Variants in TRPM3 observed in about 807,000 individuals in gnomAD.
TRPM3 encodes the protein long transient receptor potential channel 3.
In TRPM3, 77 loss-of-function variants were observed where a neutral mutation model predicts 181.2. That is an observed-to-expected ratio of 0.42 (90% confidence interval 0.35 to 0.51). The LOEUF (loss-of-function observed/expected upper bound fraction) is 0.51, where lower values mean the gene tolerates loss of function less well. Ranked by LOEUF, TRPM3 falls within the 20% of genes least tolerant of loss-of-function variation. The probability of loss-of-function intolerance (pLI) is 0.01; values close to 1 mark genes in which losing one functional copy is unlikely to be tolerated. For missense variants in TRPM3, 1,759 were observed against 2,196.7 expected, an observed-to-expected ratio of 0.80 and a Z score of 3.98; for synonymous variants, 745 against 796.4, an observed-to-expected ratio of 0.94 and a Z score of 1.09.
intron 1 of TRPM3, among the ~76,000 whole-genome samples, chr9:71,071,264 G>A (rs12555007): frequency 0.058 from 8,832 of 152,140 alleles, 373 homozygotes; most frequent in African/African-American, 0.11. Flanking sequence ...TGAGGGTAAC[G>A]GAACCTCCTG....
chr9:71,446,910 C>A, upstream of TRPM3: 1 of 1,378,082 alleles, frequency 7.3e-7, no homozygotes, highest in Admixed American at 2.8e-5. Context: ...GCGGGTCTCC[C>A]TCCAGCCTGC....
chr9:70,764,782 C>T (rs559694351), intron 7 of TRPM3, among the ~76,000 whole-genome samples: 3 of 152,230 alleles, frequency 2.0e-5, no homozygotes, highest in East Asian at 1.9e-4. Flanking sequence ...TAAATAACTG[C>T]CCTTTCTGAT....
chr9:71,251,562 AT>A (rs1203224607), intron 1 of TRPM3, among the ~76,000 whole-genome samples: 1 of 152,112 alleles, frequency 6.6e-6, no homozygotes, highest in Non-Finnish European at 1.5e-5. Flanking sequence ...CTCCAAAGGA[AT>A]TTTTTTAATT....
intron 1 of TRPM3, among the ~76,000 whole-genome samples, chr9:70,872,335 G>A (rs1447691823): frequency 2.0e-5 from 3 of 151,898 alleles, no homozygotes; most frequent in African/African-American, 7.2e-5. Context: ...AGGAGTAGTA[G>A]TGGTCTTAAT....
intron 5 of TRPM3, among the ~76,000 whole-genome samples, chr9:70,841,226 A>G (rs2094604905): frequency 6.6e-6 from 1 of 152,134 alleles, no homozygotes; most frequent in Non-Finnish European, 1.5e-5. Flanking sequence ...ACTTTGAAGA[A>G]ATCAGTAACA....
intron 1 of TRPM3, among the ~76,000 whole-genome samples, chr9:70,984,080 G>C (rs535094717): frequency 1.3e-5 from 2 of 152,290 alleles, no homozygotes; most frequent in East Asian, 3.9e-4. Flanking sequence ...AAGAATGTGA[G>C]CTCTGGAATC....
At chr9:70,540,889 A>T (rs1394325914) in intron 25 of TRPM3, among the ~76,000 whole-genome samples, 1 of 152,008 alleles carries the variant, frequency 6.6e-6, no homozygotes, top group Non-Finnish European at 1.5e-5. Context: ...CACCCAGCTA[A>T]TTTTTGTACT....
chr9:70,777,030 TTTG>T (rs34245363), intron 7 of TRPM3, among the ~76,000 whole-genome samples: 12 of 151,908 alleles, frequency 7.9e-5, no homozygotes, highest in Middle Eastern at 3.2e-3. Flanking sequence ...TATTTGGATT[TTTG>T]TTGTTGTTGT....
intron 1 of TRPM3, among the ~76,000 whole-genome samples, chr9:70,867,112 T>C (rs1241123483): frequency 6.6e-6 from 1 of 152,046 alleles, no homozygotes; most frequent in Non-Finnish European, 1.5e-5. Context: ...TTTCCCCCTA[T>C]CATTCCCCTC....
intron 22 of TRPM3, among the ~76,000 whole-genome samples, chr9:70,575,043 G>A (rs992807263): frequency 6.6e-6 from 1 of 151,310 alleles, no homozygotes; most frequent in Non-Finnish European, 1.5e-5. Flanking sequence ...TCAGGCTCAA[G>A]CTATTCTTCC....
At chr9:71,339,377 T>A (rs944864068) in intron 1 of TRPM3, among the ~76,000 whole-genome samples, 2 of 152,102 alleles carry the variant, frequency 1.3e-5, no homozygotes, top group East Asian at 3.9e-4. Context: ...TAGAAAACAG[T>A]CAAAGAAAAG....
chr9:71,118,107 C>T (rs1379647237), intron 1 of TRPM3, among the ~76,000 whole-genome samples: 5 of 152,070 alleles, frequency 3.3e-5, no homozygotes, highest in African/African-American at 7.2e-5. Context: ...ATAAAGCAAA[C>T]GACAACAGAA....
rs141355194 is a variant in TRPM3, at chr9:71,346,158, T to C, written c.183+100495A>G. On this transcript the variant is annotated intron_variant, in intron 1 of 24. Transcript: ENST00000357533. ...AACAGATATGTGGATATAAAAATTA[T>C]ATGACATATTCATACAATGGAATGC... Among the ~76,000 whole-genome samples, 881 of 152,334 alleles carry C rather than the reference T, an allele frequency of 5.8e-3. 14 individuals are homozygous for C. Among genetic ancestry groups the C allele is most frequent in the African/African-American group, 0.02 (844 of 41,572 alleles).
chr9:71,268,414 A>G (rs2083540290), intron 1 of TRPM3, among the ~76,000 whole-genome samples: 3 of 152,114 alleles, frequency 2.0e-5, no homozygotes. Flanking sequence ...ACTTGTATTA[A>G]GTCTATGATA....
At chr9:70,902,547 G>T (rs2096401792) in intron 1 of TRPM3, among the ~76,000 whole-genome samples, 1 of 152,064 alleles carries the variant, frequency 6.6e-6, no homozygotes, top group Non-Finnish European at 1.5e-5. Context: ...AAGTCAGTTT[G>T]GTTTTTCTTC....
intron 11 of TRPM3, among the ~76,000 whole-genome samples, chr9:70,638,428 G>C (rs2057551742): frequency 6.6e-6 from 1 of 152,124 alleles, no homozygotes. Flanking sequence ...CTGGATTTTA[G>C]TATGAGCTCA....
At chr9:70,758,326 A>G (rs1299026673) in intron 8 of TRPM3, among the ~76,000 whole-genome samples, 3 of 152,232 alleles carry the variant, frequency 2.0e-5, no homozygotes, top group African/African-American at 7.2e-5. Flanking sequence ...CAAGGAAATA[A>G]GAAAGGACAC....
At chr9:71,282,070 AG>A (rs148340758) in intron 1 of TRPM3, among the ~76,000 whole-genome samples, 11,170 of 53,602 alleles carry the variant, frequency 0.21, 1,631 homozygotes, top group Middle Eastern at 0.32. Context: ...AGAGAAAGAA[AG>A]GAAAGAAAGG....
chr9:71,117,494 C>T (rs774074976), intron 1 of TRPM3, among the ~76,000 whole-genome samples: 4 of 152,080 alleles, frequency 2.6e-5, no homozygotes, highest in Non-Finnish European at 5.9e-5. Flanking sequence ...AAATAGACAA[C>T]GTTCTTCAAT....
Sources: allele counts gnomAD v4.1 joint callset (sites outside exome capture counted in the v4.1 genomes callset), GRCh38; gene constraint gnomAD v4.1.1; transcripts MANE v1.5; gene names NCBI Gene and HGNC (gene_info 2026-07-23, HGNC 2026-07-21).